The following IL31RA variants were observed in gnomAD, a reference collection of about 807,000 sequenced individuals.
IL31RA encodes the protein interleukin 31 receptor A.
Under a neutral mutation model 83.7 loss-of-function variants are expected in IL31RA, and 66 were observed. The observed-to-expected ratio is 0.79, with a 90% CI of 0.65 to 0.97. The LOEUF (loss-of-function observed/expected upper bound fraction) is 0.97. IL31RA is among the 50% of genes least tolerant of loss of function. IL31RA has a pLI of 0.00. For synonymous variants in IL31RA, 325 were observed against 329.0 expected (o/e 0.99, Z 0.13); for missense variants, 798 against 919.4 (o/e 0.87, Z 1.71).
intron 4 of IL31RA, among the ~76,000 whole-genome samples, chr5:55,875,386 G>A (rs1746781491): frequency 6.6e-6 from 1 of 152,116 alleles, no homozygotes; most frequent in African/African-American, 2.4e-5. Flanking sequence ...GAGCTGGTAA[G>A]TGTTTCCTCA....
In IL31RA at chr5:55,900,141, A is replaced by T. The variant is rs769711418; in HGVS notation, c.1069+9A>T. ...AGCTATTCAAGAAAAATGTAAGTAG[A>T]GCATCAACTTCTTCCTTAGGTGCCT... On this transcript the variant is annotated intron_variant, in intron 8 of 14. Coordinates refer to ENST00000652347, the MANE Select transcript of IL31RA (RefSeq NM_139017.7). 1 of 1,589,478 alleles carries T rather than the reference A, an allele frequency of 6.3e-7. No homozygotes were observed. The highest frequency in any genetic ancestry group is 1.7e-5 in the Admixed American group (1 of 59,990).
chr5:55,905,213 AAAAG>A (rs1318218933), intron 8 of IL31RA, among the ~76,000 whole-genome samples: 7,128 of 150,330 alleles, frequency 0.047, 313 homozygotes, highest in African/African-American at 0.13. Context: ...AAAAAAAAAA[AAAAG>A]AAAGAAAGAA....
intron 1 of IL31RA, chr5:55,853,246 T>C: frequency 9.5e-7 from 1 of 1,051,432 alleles, no homozygotes. Flanking sequence ...GTCACTTCTT[T>C]TAGTTGTTTC....
chr5:55,886,402 T>C (rs1747621862), intron 5 of IL31RA, among the ~76,000 whole-genome samples: 1 of 151,198 alleles, frequency 6.6e-6, no homozygotes, highest in Admixed American at 6.6e-5. Context: ...GCCTCCCAAG[T>C]AGCTGCGATT....
At chr5:55,870,651 C>T (rs922008207) in intron 3 of IL31RA, among the ~76,000 whole-genome samples, 11 of 152,218 alleles carry the variant, frequency 7.2e-5, no homozygotes, top group Non-Finnish European at 1.5e-4. Context: ...CCCAGCTCCC[C>T]TTGATGGCCT....
At chr5:55,879,605 T>C (rs1257572744) in intron 4 of IL31RA, among the ~76,000 whole-genome samples, 1 of 151,612 alleles carries the variant, frequency 6.6e-6, no homozygotes, top group Non-Finnish European at 1.5e-5. Flanking sequence ...GCTATTTTTG[T>C]ATTTTTAGTA....
At chr5:55,854,035 A>G (rs1468431582) in intron 1 of IL31RA, among the ~76,000 whole-genome samples, 1 of 152,240 alleles carries the variant, frequency 6.6e-6, no homozygotes, top group African/African-American at 2.4e-5. Context: ...GACAATTTAC[A>G]TGATATCTCT....
intron 5 of IL31RA, among the ~76,000 whole-genome samples, chr5:55,885,934 C>G (rs1225727743): frequency 6.6e-6 from 1 of 152,152 alleles, no homozygotes; most frequent in Non-Finnish European, 1.5e-5. Context: ...GCTATAAACC[C>G]TTAATTCCTT....
upstream of IL31RA, chr5:55,851,279 T>G (rs149566387): frequency 8.2e-6 from 4 of 487,688 alleles, no homozygotes; most frequent in Non-Finnish European, 1.5e-5. Flanking sequence ...TCATCAACAT[T>G]GAACTCATGG....
chr5:55,859,473 T>G, intron 1 of IL31RA, 36 bp from the exon 2 acceptor site: 2 of 1,460,270 alleles, frequency 1.4e-6, no homozygotes, highest in Non-Finnish European at 1.9e-6. Context: ...AAAAGAGATA[T>G]GAAGCAAACC....
Position 55,916,602 on chromosome 5 carries a change from A to T in IL31RA, c.1819-42A>T, listed in dbSNP as rs562813495. 1.4e-5 allele frequency: 21 copies of T among 1,551,242 alleles called. No individual in the cohort carries two copies. In the South Asian group the frequency reaches 2.2e-4, roughly 16 times the overall value. On this transcript the variant is annotated intron_variant, in intron 14 of 14. Coordinates refer to ENST00000652347, the MANE Select transcript of IL31RA (RefSeq NM_139017.7). ...CGAGTTTTTGGCTATGTCATATGTG[A>T]CTCCTAAATGACCACTTGGGATGTC...
At chr5:55,893,809 A>ATTT (rs66540216) in intron 6 of IL31RA, among the ~76,000 whole-genome samples, 5 of 125,918 alleles carry the variant, frequency 4.0e-5, no homozygotes, top group Admixed American at 1.6e-4. Context: ...CTATGAGATA[A>ATTT]TTTTTTTTTT....
chr5:55,872,515 A>T, intron 4 of IL31RA, 64 bp downstream of exon 4: 1 of 1,194,644 alleles, frequency 8.4e-7, no homozygotes, highest in Non-Finnish European at 1.2e-6. Context: ...TCTGTTCAAG[A>T]GGTATCTGTG....
intron 2 of IL31RA, among the ~76,000 whole-genome samples, chr5:55,863,412 A>T (rs749820697): frequency 2.0e-5 from 3 of 152,250 alleles, no homozygotes; most frequent in Non-Finnish European, 4.4e-5. Context: ...ACAGGTAAGC[A>T]GGGGCTCAGG....
At chr5:55,908,683 TG>T in intron 11 of IL31RA, 2 of 1,492,876 alleles carry the variant, frequency 1.3e-6, no homozygotes, top group Non-Finnish European at 1.8e-6. Flanking sequence ...GGCCCTGAAT[TG>T]ACCTCCCGGG....
chr5:55,911,415 A>C (rs1001948259), intron 12 of IL31RA, among the ~76,000 whole-genome samples: 1 of 152,192 alleles, frequency 6.6e-6, no homozygotes, highest in Non-Finnish European at 1.5e-5. Flanking sequence ...ACTGTACAAC[A>C]GGGCCTTCAA....
rs185289386 is a variant in IL31RA, at chr5:55,877,105, T to C, written c.454+4654T>C. 1.6e-4 allele frequency among the ~76,000 whole-genome samples: 24 copies of C among 152,354 alleles called. No individual in the cohort carries two copies. In the East Asian group the frequency reaches 4.4e-3, roughly 28 times the overall value. Reference sequence around the variant, plus strand: ...TTGATTTCTTTGTGGTGACGTGTTTTGATTTCCTTTGGTGTATTTTCTATA... The same window carrying C: ...TTGATTTCTTTGTGGTGACGTGTTTCGATTTCCTTTGGTGTATTTTCTATA... On this transcript the variant is annotated intron_variant, in intron 4 of 14. Coordinates refer to ENST00000652347, the MANE Select transcript of IL31RA (RefSeq NM_139017.7).
At chr5:55,852,364 G>C (rs906883148) in intron 1 of IL31RA, 2 of 152,154 alleles carry the variant, frequency 1.3e-5, no homozygotes, top group African/African-American at 4.8e-5. Flanking sequence ...TAGAGATGGG[G>C]TTTTGCCATG....
chr5:55,877,815 G>A (rs182937609), intron 4 of IL31RA, among the ~76,000 whole-genome samples: 2 of 152,160 alleles, frequency 1.3e-5, no homozygotes, highest in African/African-American at 4.8e-5. Flanking sequence ...GTCTCTTTGG[G>A]TTTATCCTAC....
Sources: gnomAD v4.1 joint callset for allele counts (sites outside exome capture counted in the v4.1 genomes callset) on GRCh38, gnomAD v4.1.1 for gene constraint, MANE v1.5 for transcripts, NCBI Gene and HGNC (gene_info 2026-07-23, HGNC 2026-07-21) for gene names.